CDK15: variants seen among roughly 807,000 people sequenced by gnomAD.
The protein encoded by CDK15 is cyclin-dependent kinase 15.
CDK15 carries 62 observed loss-of-function variants against 60.3 expected under a neutral mutation model. That is an observed-to-expected ratio of 1.03 (90% confidence interval 0.84 to 1.27). The LOEUF (loss-of-function observed/expected upper bound fraction) is 1.27. CDK15 is among the 50% of genes most tolerant of loss of function. The probability of loss-of-function intolerance (pLI) is 0.00; values close to 1 mark genes in which losing one functional copy is unlikely to be tolerated. For synonymous variants in CDK15, 194 were observed against 195.7 expected, an observed-to-expected ratio of 0.99 and a Z score of 0.07; for missense variants, 541 against 527.8, an observed-to-expected ratio of 1.03 and a Z score of -0.25.
At chr2:201,813,156 G>A (rs1253011188) in intron 4 of CDK15, among the ~76,000 whole-genome samples, 1 of 152,034 alleles carries the variant, frequency 6.6e-6, no homozygotes, top group African/African-American at 2.4e-5. Flanking sequence ...GGATAATAGT[G>A]GTACCTATTT....
At chr2:201,878,983 A>G (rs143670665) in intron 11 of CDK15, among the ~76,000 whole-genome samples, 1 of 152,222 alleles carries the variant, frequency 6.6e-6, no homozygotes, top group Non-Finnish European at 1.5e-5. Flanking sequence ...GTACTTAGAC[A>G]TCTGTGTGAT....
At chr2:201,822,704 A>G (rs1296561392) in intron 4 of CDK15, 105 bp from the exon 5 acceptor site, 3 of 620,104 alleles carry the variant, frequency 4.8e-6, no homozygotes, top group Non-Finnish European at 2.8e-6. Context: ...TAAAATAACC[A>G]GAATGTTTGA....
intron 11 of CDK15, 110 bp from the exon 12 acceptor site, chr2:201,879,918 T>C: frequency 7.2e-7 from 1 of 1,398,166 alleles, no homozygotes; most frequent in Non-Finnish European, 9.5e-7. Flanking sequence ...AAAATTCTAC[T>C]TAAAATCTAA....
At chr2:201,841,458 A>T (rs1697375862) in intron 8 of CDK15, among the ~76,000 whole-genome samples, 1 of 152,192 alleles carries the variant, frequency 6.6e-6, no homozygotes, top group Non-Finnish European at 1.5e-5. Flanking sequence ...AGTAATTGCT[A>T]GACCTTGGGT....
intron 4 of CDK15, among the ~76,000 whole-genome samples, chr2:201,816,455 G>GTTTTTTTTTTTTTTTT (rs55930032): frequency 8.8e-5 from 7 of 79,856 alleles, no homozygotes; most frequent in East Asian, 3.7e-4. Flanking sequence ...TAAGGAAATG[G>GTTTTTTTTTTTTTTTT]TTTTTTTTTT....
intron 10 of CDK15, among the ~76,000 whole-genome samples, chr2:201,860,097 G>T (rs1698322480): frequency 6.6e-6 from 1 of 152,148 alleles, no homozygotes; most frequent in African/African-American, 2.4e-5. Flanking sequence ...CCACTGAAAG[G>T]GTCTGTCATA....
rs1412269926 is a variant in CDK15 at position 201,847,534 on chromosome 2, T to C, written c.945+60T>C. 72 of 1,466,246 alleles carry C rather than the reference T, an allele frequency of 4.9e-5. No individual in the cohort carries two copies. In the East Asian group the frequency reaches 1.6e-3, roughly 32 times the overall value. The allele number at this position is 1,466,246 out of a possible 1,614,324, so 90.8% of individuals were successfully genotyped here. A position where few individuals can be genotyped will look rare whatever the true frequency, so the allele number is the denominator to read the frequency against. On this transcript the variant is annotated intron_variant, in intron 9 of 13. Coordinates refer to ENST00000652192, the MANE Select transcript of CDK15 (RefSeq NM_001366386.2). ...TCTGCATTTTAAGTTTTGAACCAAA[T>C]TTGCCTTACAGACAAATGAAGCAGT...
chr2:201,863,751 C>A (rs1698494813), intron 10 of CDK15, among the ~76,000 whole-genome samples: 1 of 152,156 alleles, frequency 6.6e-6, no homozygotes, highest in South Asian at 2.1e-4. Context: ...CAAAAATTAG[C>A]CAGGTGTGGT....
intron 9 of CDK15, among the ~76,000 whole-genome samples, chr2:201,847,821 G>A (rs1697736458): frequency 6.6e-6 from 1 of 152,100 alleles, no homozygotes; most frequent in Non-Finnish European, 1.5e-5. Flanking sequence ...CCATATATTT[G>A]GCCCTGGATC....
At chr2:201,843,912 GTGTA>G in intron 8 of CDK15, among the ~76,000 whole-genome samples, 2 of 27,434 alleles carry the variant, frequency 7.3e-5, no homozygotes, top group African/African-American at 1.5e-4. Flanking sequence ...CTAAGGAATT[GTGTA>G]ACAAAATGAC....
intron 12 of CDK15, among the ~76,000 whole-genome samples, chr2:201,886,270 ATTTTC>A (rs1054212870): frequency 1.0e-3 from 150 of 150,566 alleles, no homozygotes; most frequent in African/African-American, 3.4e-3. Flanking sequence ...ACTTTAGTTT[ATTTTC>A]TTTTCTTTTC....
At chr2:201,876,917 C>T (rs1293161845) in intron 11 of CDK15, among the ~76,000 whole-genome samples, 5 of 152,246 alleles carry the variant, frequency 3.3e-5, no homozygotes, top group Middle Eastern at 3.4e-3. Flanking sequence ...CCCGCCTCAG[C>T]CCCCTGAGTA....
intron 8 of CDK15, among the ~76,000 whole-genome samples, chr2:201,839,970 T>G (rs560205284): frequency 2.4e-4 from 36 of 150,782 alleles, no homozygotes; most frequent in South Asian, 8.4e-4. Context: ...CTGGGGTTTT[T>G]TTTTTGTTTT....
chr2:201,847,972 A>C (rs1211868660), intron 9 of CDK15, among the ~76,000 whole-genome samples: 1 of 152,106 alleles, frequency 6.6e-6, no homozygotes, highest in East Asian at 1.9e-4. Context: ...CCCTACAAAA[A>C]CAAAAATGAG....
chr2:201,806,531 C>A, upstream of CDK15: 1 of 1,043,814 alleles, frequency 9.6e-7, no homozygotes, highest in Non-Finnish European at 1.3e-6. Flanking sequence ...TGAGGCTGCT[C>A]CAGGCAGAGC....
At chr2:201,891,709 T>C (rs1467333110) in intron 13 of CDK15, among the ~76,000 whole-genome samples, 1 of 152,132 alleles carries the variant, frequency 6.6e-6, no homozygotes, top group Non-Finnish European at 1.5e-5. Flanking sequence ...TATAGATGTC[T>C]CAAGAGCACT....
chr2:201,869,962 A>G (rs747068831), intron 10 of CDK15, among the ~76,000 whole-genome samples: 3 of 152,190 alleles, frequency 2.0e-5, no homozygotes, highest in Non-Finnish European at 4.4e-5. Context: ...CTTAGGCAAA[A>G]TCATACTGAA....
intron 4 of CDK15, among the ~76,000 whole-genome samples, chr2:201,818,240 T>A (rs548939575): frequency 6.6e-6 from 1 of 152,330 alleles, no homozygotes; most frequent in East Asian, 1.9e-4. Flanking sequence ...CGACTTTGAC[T>A]ACCAGGCCTT....
intron 4 of CDK15, among the ~76,000 whole-genome samples, chr2:201,820,990 A>T (rs1696196871): frequency 6.6e-6 from 1 of 152,168 alleles, no homozygotes; most frequent in Non-Finnish European, 1.5e-5. Flanking sequence ...TGGCTCACAG[A>T]TCTGATAACT....
Sources: allele counts gnomAD v4.1 joint callset (sites outside exome capture counted in the v4.1 genomes callset), GRCh38; gene constraint gnomAD v4.1.1; transcripts MANE v1.5; gene names NCBI Gene and HGNC (gene_info 2026-07-23, HGNC 2026-07-21).